The following PDE1C variants were observed in gnomAD, a reference collection of about 807,000 sequenced individuals.
The protein encoded by PDE1C is phosphodiesterase 1C, also known as dual specificity calcium/calmodulin-dependent 3',5'-cyclic nucleotide phosphodiesterase 1C.
In PDE1C, 62 loss-of-function variants were observed where a neutral mutation model predicts 93.1. The observed-to-expected ratio is 0.67, with a 90% CI of 0.54 to 0.82. The LOEUF is 0.82. Ranked by LOEUF, PDE1C falls within the 40% of genes least tolerant of loss-of-function variation. The probability of loss-of-function intolerance (pLI) is 0.00; values close to 1 mark genes in which losing one functional copy is unlikely to be tolerated. For synonymous variants in PDE1C, 325 were observed against 310.1 expected, an observed-to-expected ratio of 1.05 and a Z score of -0.50; for missense variants, 742 against 884.6, an observed-to-expected ratio of 0.84 and a Z score of 2.04.
intron 2 of PDE1C, among the ~76,000 whole-genome samples, chr7:32,197,781 C>G (rs1804722284): frequency 2.0e-5 from 3 of 152,044 alleles, no homozygotes; most frequent in Non-Finnish European, 4.4e-5. Flanking sequence ...TTTAAATAGC[C>G]TTCTAGGACT....
intron 17 of PDE1C, among the ~76,000 whole-genome samples, chr7:31,775,049 C>T (rs1436984165): frequency 1.3e-5 from 2 of 152,024 alleles, no homozygotes; most frequent in East Asian, 3.9e-4. Flanking sequence ...CAATAAGTGC[C>T]CCTTATATTA....
chr7:31,993,718 A>G (rs1488685560), intron 2 of PDE1C, among the ~76,000 whole-genome samples: 2 of 152,194 alleles, frequency 1.3e-5, no homozygotes, highest in East Asian at 3.9e-4. Context: ...ACAGTAAAAA[A>G]TGAATGAAAC....
At chr7:32,042,965 C>T (rs528145069) in intron 2 of PDE1C, among the ~76,000 whole-genome samples, 4 of 152,328 alleles carry the variant, frequency 2.6e-5, no homozygotes, top group African/African-American at 7.2e-5. Context: ...AGGAGCAATT[C>T]GGCACAGCTA....
intron 2 of PDE1C, among the ~76,000 whole-genome samples, chr7:32,172,150 A>G (rs549603103): frequency 1.1e-3 from 162 of 152,106 alleles, no homozygotes; most frequent in African/African-American, 3.7e-3. Context: ...AGACATTACC[A>G]TTACCATTAA....
At chr7:31,830,039 T>A (rs1025593652) in intron 11 of PDE1C, among the ~76,000 whole-genome samples, 2 of 152,160 alleles carry the variant, frequency 1.3e-5, no homozygotes, top group African/African-American at 4.8e-5. Context: ...AATCACCTGA[T>A]ACTAAATAAC....
intron 11 of PDE1C, among the ~76,000 whole-genome samples, chr7:31,836,492 G>A (rs557258474): frequency 2.0e-5 from 3 of 151,994 alleles, no homozygotes; most frequent in African/African-American, 4.8e-5. Context: ...CCACCACCAC[G>A]CCCGGCTAAT....
intron 1 of PDE1C, among the ~76,000 whole-genome samples, chr7:32,215,466 A>C (rs1016031627): frequency 1.3e-5 from 2 of 152,212 alleles, no homozygotes; most frequent in East Asian, 3.9e-4. Flanking sequence ...TATAAAGGAC[A>C]TGTTCCCCTG....
chr7:31,841,372 G>C (rs1338967580), intron 9 of PDE1C, among the ~76,000 whole-genome samples: 1 of 151,810 alleles, frequency 6.6e-6, no homozygotes, highest in Non-Finnish European at 1.5e-5. Context: ...TTCTACTTAG[G>C]CAATCATGTC....
chr7:32,034,434 C>G (rs1350525780), intron 2 of PDE1C, among the ~76,000 whole-genome samples: 1 of 152,130 alleles, frequency 6.6e-6, no homozygotes, highest in East Asian at 1.9e-4. Context: ...AGATGCCAAT[C>G]TGGTGGATGG....
chr7:32,267,586 A>ACTCTCTCTCTCTCTCTCTCT lies in PDE1C; in HGVS notation c.85+31045_85+31064dup, dbSNP rs57210713. Among the ~76,000 whole-genome samples, 128 of 117,576 alleles carry ACTCTCTCTCTCTCTCTCTCT rather than the reference A, an allele frequency of 1.1e-3. 2 individuals are homozygous for ACTCTCTCTCTCTCTCTCTCT. Among genetic ancestry groups the ACTCTCTCTCTCTCTCTCTCT allele is most frequent in the African/African-American group, 4.1e-3 (120 of 29,430 alleles). The allele number at this position is 117,576 out of a possible 152,430, so 77.1% of individuals were successfully genotyped here. A position where few individuals can be genotyped will look rare whatever the true frequency, so the allele number is the denominator to read the frequency against. ...TTCTCTCTCTCTCACACACACACAC[A>ACTCTCTCTCTCTCTCTCTCT]CTCTCTCTCTCTCTCTCTCTCTCTC... On this transcript the variant is annotated intron_variant, in intron 1 of 18. Transcript: ENST00000396193.
At chr7:32,083,919 G>T (rs1055150889) in intron 3 of PDE1C, among the ~76,000 whole-genome samples, 1 of 151,244 alleles carries the variant, frequency 6.6e-6, no homozygotes, top group Non-Finnish European at 1.5e-5. Flanking sequence ...AAAGACCATC[G>T]AGACTAGGAA....
chr7:32,007,123 T>A (rs1256705025), intron 2 of PDE1C, among the ~76,000 whole-genome samples: 1 of 152,234 alleles, frequency 6.6e-6, no homozygotes, highest in East Asian at 1.9e-4. Flanking sequence ...ATCAGCAACC[T>A]ATTTTTTATC....
At chr7:31,634,939 T>A in the PDE1C span, among the ~76,000 whole-genome samples, 1 of 152,168 alleles carries the variant, frequency 6.6e-6, no homozygotes, top group Non-Finnish European at 1.5e-5. Flanking sequence ...GTTCCCCTAG[T>A]CTTGGCTTAG....
At chr7:31,652,984 A>G in the PDE1C span, 1 of 1,442,126 alleles carries the variant, frequency 6.9e-7, no homozygotes, top group Non-Finnish European at 9.1e-7. Context: ...AGAGGAGTTT[A>G]GAATACTCTA....
At chr7:31,914,170 C>A (rs1801596741) in intron 2 of PDE1C, among the ~76,000 whole-genome samples, 1 of 152,142 alleles carries the variant, frequency 6.6e-6, no homozygotes. Context: ...TTATATCAAA[C>A]ATGCATCAAT....
intron 2 of PDE1C, among the ~76,000 whole-genome samples, chr7:32,201,751 G>T (rs1280731751): frequency 6.6e-6 from 1 of 152,192 alleles, no homozygotes; most frequent in African/African-American, 2.4e-5. Context: ...ATTTTTATTG[G>T]TGGTAGAATG....
intron 1 of PDE1C, among the ~76,000 whole-genome samples, chr7:32,362,737 A>G (rs2128085722): frequency 6.6e-6 from 1 of 152,276 alleles, no homozygotes; most frequent in Non-Finnish European, 1.5e-5. Context: ...CACGGTGAGA[A>G]AGCATCCTCA....
At chr7:32,065,768 T>C (rs944473885) in intron 1 of PDE1C, among the ~76,000 whole-genome samples, 1 of 152,268 alleles carries the variant, frequency 6.6e-6, no homozygotes, top group South Asian at 2.1e-4. Flanking sequence ...TTGTTGCCTA[T>C]GGCTTTTCTC....
the PDE1C span, among the ~76,000 whole-genome samples, chr7:31,667,834 CT>C: frequency 6.6e-6 from 1 of 151,316 alleles, no homozygotes; most frequent in Admixed American, 6.6e-5. Context: ...GAGGATGAAT[CT>C]GGGAAAAAAA....
Sources: gnomAD v4.1 joint callset for allele counts (sites outside exome capture counted in the v4.1 genomes callset) on GRCh38, gnomAD v4.1.1 for gene constraint, MANE v1.5 for transcripts, NCBI Gene and HGNC (gene_info 2026-07-23, HGNC 2026-07-21) for gene names.